Variants in TJP1 observed in about 807,000 individuals in gnomAD.
TJP1 encodes the protein tight junction protein ZO-1.
In TJP1, 43 loss-of-function variants were observed where a neutral mutation model predicts 194.2. The ratio of observed to expected loss-of-function variants is 0.22; its 90% confidence interval spans 0.17 to 0.29. The LOEUF (loss-of-function observed/expected upper bound fraction) is 0.29. Ranked by LOEUF, TJP1 falls within the 10% of genes least tolerant of loss-of-function variation. The probability of loss-of-function intolerance (pLI) is 1.00; values close to 1 mark genes in which losing one functional copy is unlikely to be tolerated. For missense variants in TJP1, 1,971 were observed against 2,185.7 expected (o/e 0.90, Z 1.96); for synonymous variants, 801 against 779.0 (o/e 1.03, Z -0.47).
In TJP1 at chr15:29,734,374, G is replaced by A. The variant is rs769336192; in HGVS notation, c.1416C>T (p.Asn472=). The part of the protein sequence containing the change: ...EEGDQILRVN[N]VDFTNIIREE... Reference sequence around the variant, plus strand: ...CTCTTATGATATTTGTAAAATCTACGTTGTTTACCTAATAAATAAGATTTC... The same window carrying A: ...CTCTTATGATATTTGTAAAATCTACATTGTTTACCTAATAAATAAGATTTC... The change falls in exon 12 of 28, where the codon AAC becomes AAT. Residue 472 remains asparagine, a synonymous_variant. Coordinates refer to ENST00000614355, the MANE Select transcript of TJP1 (RefSeq NM_001330239.4). 14 of 1,607,610 alleles carry A rather than the reference G, an allele frequency of 8.7e-6. No homozygotes were observed. Among genetic ancestry groups the A allele is most frequent in the Admixed American group, 1.7e-5 (1 of 59,500 alleles).
chr15:29,814,051 C>T (rs143349454), intron 1 of TJP1, among the ~76,000 whole-genome samples: 139 of 152,260 alleles, frequency 9.1e-4, no homozygotes, highest in African/African-American at 3.2e-3. Context: ...TTAATGTCTC[C>T]CTCCTATTGA....
intron 25 of TJP1, among the ~76,000 whole-genome samples, chr15:29,707,133 C>T (rs1181129145): frequency 1.3e-5 from 2 of 152,064 alleles, no homozygotes; most frequent in African/African-American, 4.8e-5. Flanking sequence ...TTCCATGAGG[C>T]GAAGACCCTT....
chr15:29,719,664 T>C lies in TJP1; in HGVS notation c.3003+113A>G. On this transcript the variant is annotated intron_variant, in intron 20 of 27. Coordinates refer to ENST00000614355, the MANE Select transcript of TJP1 (RefSeq NM_001330239.4). ...TTGTATTGATTTGAAAGCATTACAGTGTATAAGCCTGCAGTAAAAAAGCAA... is the reference window on the plus strand; with the variant it reads ...TTGTATTGATTTGAAAGCATTACAGCGTATAAGCCTGCAGTAAAAAAGCAA... 5.3e-6 allele frequency: 7 copies of C among 1,319,090 alleles called. No homozygotes were observed. The South Asian group carries it at 1.0e-4, about 19-fold the overall frequency. The allele number at this position is 1,319,090 out of a possible 1,614,324, so 81.7% of individuals were successfully genotyped here. A position where few individuals can be genotyped will look rare whatever the true frequency, so the allele number is the denominator to read the frequency against.
intron 1 of TJP1, among the ~76,000 whole-genome samples, chr15:29,804,794 G>T (rs1237538640): frequency 2.6e-5 from 4 of 152,124 alleles, no homozygotes; most frequent in African/African-American, 7.2e-5. Context: ...TAGGCTTGTA[G>T]GAGACCAAGG....
At chr15:29,921,209 C>G (rs11634609) in intron 2 of TJP1, among the ~76,000 whole-genome samples, 1 of 152,038 alleles carries the variant, frequency 6.6e-6, no homozygotes, top group Non-Finnish European at 1.5e-5. Flanking sequence ...TCCTGGCCCT[C>G]TGAATGCCGG....
chr15:29,746,274 A>C (rs2044768586), intron 8 of TJP1, among the ~76,000 whole-genome samples: 1 of 151,964 alleles, frequency 6.6e-6, no homozygotes, highest in South Asian at 2.1e-4. Context: ...GCTACTCTGG[A>C]GGCTGAGGCA....
At chr15:29,926,481 G>A (rs978792327) in intron 2 of TJP1, among the ~76,000 whole-genome samples, 2 of 152,082 alleles carry the variant, frequency 1.3e-5, no homozygotes, top group African/African-American at 2.4e-5. Flanking sequence ...ACATAGTGGA[G>A]CATGCCTGTA....
chr15:29,818,686 T>C (rs1215158499), intron 1 of TJP1, among the ~76,000 whole-genome samples: 1 of 150,164 alleles, frequency 6.7e-6, no homozygotes. Context: ...TTTTTTTTTT[T>C]TTTGTATTTT....
intron 2 of TJP1, among the ~76,000 whole-genome samples, chr15:29,781,516 C>T (rs1023526352): frequency 3.9e-5 from 6 of 152,142 alleles, no homozygotes; most frequent in Admixed American, 3.9e-4. Flanking sequence ...ACACAAAAAA[C>T]AAAACTTCAG....
chr15:29,879,788 T>C (rs2052860291), intron 2 of TJP1, among the ~76,000 whole-genome samples: 1 of 152,170 alleles, frequency 6.6e-6, no homozygotes, highest in Non-Finnish European at 1.5e-5. Flanking sequence ...CTCACCTCAC[T>C]GTAACCTCCA....
At chr15:29,831,531 G>A (rs534215768) in intron 2 of TJP1, among the ~76,000 whole-genome samples, 2 of 152,272 alleles carry the variant, frequency 1.3e-5, no homozygotes, top group Admixed American at 1.3e-4. Flanking sequence ...CTTTACAGAC[G>A]GATGTGGGAG....
Position 29,822,156 on chromosome 15 carries a change from C to G in TJP1, c.-128G>C, listed in dbSNP as rs1406930554. 7 of 1,180,562 alleles carry G rather than the reference C, an allele frequency of 5.9e-6. No homozygotes were observed. The highest frequency in any genetic ancestry group is 6.3e-6 in the Non-Finnish European group (6 of 954,238). 73.1% of individuals were successfully genotyped at this position (1,180,562 alleles called of 1,614,324 possible). A position where few individuals can be genotyped will look rare whatever the true frequency, so the allele number is the denominator to read the frequency against. On this transcript the variant is annotated 5_prime_UTR_variant, in exon 1 of 28. Transcript: ENST00000614355. ...GCGAGCGGGGCACGGGCGGGGGCGGCCGGAAGGGCCCGGCCCAGGGGGAGG... is the reference window on the plus strand; with the variant it reads ...GCGAGCGGGGCACGGGCGGGGGCGGGCGGAAGGGCCCGGCCCAGGGGGAGG...
At position 29,732,462 on chromosome 15, in the gene TJP1, C is replaced by A; in HGVS notation, c.1988G>T (p.Arg663Ile). ...AATTTGATAAATATCTGGTTCTTCT[C>A]TTGCCAGCTTTTCTCTGGCAACATC... ...IADVAREKLA[R>I]EEPDIYQIAK... The change falls in exon 15 of 28, where the codon AGA (arginine) becomes ATA (isoleucine). Residue 663 changes from arginine (R) to isoleucine (I), a missense_variant. By Grantham distance (97) the Arg-to-Ile change is moderately conservative. Transcript: ENST00000614355. The A allele has an allele frequency of 1.2e-6, 2 of 1,613,886 alleles. No individual in the cohort carries two copies. Among genetic ancestry groups the A allele is most frequent in the Middle Eastern group, 1.7e-4 (1 of 5,804 alleles).
intron 4 of TJP1, among the ~76,000 whole-genome samples, chr15:29,770,091 C>T (rs1335567199): frequency 6.6e-6 from 1 of 152,010 alleles, no homozygotes; most frequent in Non-Finnish European, 1.5e-5. Context: ...TCCTGGGTAG[C>T]CCTAGGCTAA....
chr15:29,832,999 C>T (rs554275827), intron 2 of TJP1, among the ~76,000 whole-genome samples: 16 of 152,286 alleles, frequency 1.1e-4, no homozygotes, highest in African/African-American at 3.8e-4. Flanking sequence ...ACTTGGCTGG[C>T]ACACTTTCCT....
chr15:29,743,963 G>A (rs1184986087), intron 8 of TJP1, among the ~76,000 whole-genome samples: 11 of 152,208 alleles, frequency 7.2e-5, no homozygotes, highest in African/African-American at 7.2e-5. Context: ...GGCGGATCAC[G>A]AGGTCAAGAA....
exon 1 of TJP1, chr15:29,968,853 GC>G: frequency 1.6e-6 from 1 of 616,464 alleles, no homozygotes; most frequent in Non-Finnish European, 2.1e-6. Flanking sequence ...TCAGCTCTGG[GC>G]CATCCGCCGC....
In TJP1 at chr15:29,950,392, AACC is replaced by A. The variant is rs112377936; in HGVS notation, c.306+5837_306+5839del. Among the ~76,000 whole-genome samples, 654 of 147,602 alleles carry A rather than the reference AACC, an allele frequency of 4.4e-3. 5 individuals carry two copies. Among genetic ancestry groups the A allele is most frequent in the East Asian group, 0.028 (134 of 4,796 alleles). ...CCACCACCTCTACCTCCACCACCATAACCACCACCACTTCTACCACCATAAGTA... is the reference window on the plus strand; with the variant it reads ...CCACCACCTCTACCTCCACCACCATAACCACCACTTCTACCACCATAAGTA... On this transcript the variant is annotated intron_variant, in intron 2 of 28. Transcript: ENST00000356107.
chr15:29,900,480 A>G (rs961950005), intron 2 of TJP1, among the ~76,000 whole-genome samples: 5 of 152,300 alleles, frequency 3.3e-5, no homozygotes, highest in Non-Finnish European at 5.9e-5. Flanking sequence ...GTGAGAGATG[A>G]TAAGAGTTTA....
Sources: allele counts gnomAD v4.1 joint callset (sites outside exome capture counted in the v4.1 genomes callset), GRCh38; gene constraint gnomAD v4.1.1; transcripts MANE v1.5; gene names NCBI Gene and HGNC (gene_info 2026-07-23, HGNC 2026-07-21).